Variants in MGMT observed in about 807,000 individuals in gnomAD.
The protein encoded by MGMT is methylated-DNA--protein-cysteine methyltransferase.
MGMT carries 14 observed loss-of-function variants against 15.9 expected under a neutral mutation model. The ratio of observed to expected loss-of-function variants is 0.88; its 90% CI spans 0.58 to 1.37. The LOEUF (loss-of-function observed/expected upper bound fraction) is 1.37. Among genes scored for constraint, MGMT ranks in the 40% most tolerant of loss-of-function variants. MGMT has a pLI of 0.00. For synonymous variants in MGMT, 130 were observed against 118.2 expected, an observed-to-expected ratio of 1.10 and a Z score of -0.65; for missense variants, 282 against 268.1, an observed-to-expected ratio of 1.05 and a Z score of -0.36.
chr10:129,636,538 C>T (rs1847267047), intron 2 of MGMT, among the ~76,000 whole-genome samples: 1 of 152,166 alleles, frequency 6.6e-6, no homozygotes, highest in East Asian at 1.9e-4. Context: ...TTTGTCTTGG[C>T]TCTCTGGCTA....
chr10:129,646,244 T>C (rs1483151016), intron 2 of MGMT, among the ~76,000 whole-genome samples: 1 of 151,988 alleles, frequency 6.6e-6, no homozygotes, highest in Non-Finnish European at 1.5e-5. Context: ...TGAAGACAGA[T>C]CGCCTGGGGA....
chr10:129,675,077 A>G (rs1285954435), intron 2 of MGMT, among the ~76,000 whole-genome samples: 1 of 152,176 alleles, frequency 6.6e-6, no homozygotes, highest in African/African-American at 2.4e-5. Context: ...GTGCCTGTGA[A>G]GAAGGACCCC....
chr10:129,477,334 C>T (rs1458941262), intron 1 of MGMT, among the ~76,000 whole-genome samples: 3 of 152,148 alleles, frequency 2.0e-5, no homozygotes, highest in African/African-American at 7.2e-5. Flanking sequence ...AGATTGGATG[C>T]TCTCCAAGGC....
chr10:129,663,059 G>T (rs9971190), intron 2 of MGMT, among the ~76,000 whole-genome samples: 2 of 152,074 alleles, frequency 1.3e-5, no homozygotes, highest in African/African-American at 2.4e-5. Flanking sequence ...TCACAGATAC[G>T]TATTGAAATG....
intron 2 of MGMT, among the ~76,000 whole-genome samples, chr10:129,579,023 C>T (rs780647791): frequency 5.9e-5 from 9 of 152,144 alleles, no homozygotes; most frequent in South Asian, 2.1e-4. Context: ...ACATTAGATA[C>T]GACTTCAGTT....
chr10:129,565,446 T>C (rs1846343638), intron 2 of MGMT, among the ~76,000 whole-genome samples: 1 of 152,242 alleles, frequency 6.6e-6, no homozygotes, highest in African/African-American at 2.4e-5. Flanking sequence ...TGTTGTAATA[T>C]ATCTTGTTGA....
intron 1 of MGMT, among the ~76,000 whole-genome samples, chr10:129,476,310 G>C (rs1845293520): frequency 6.6e-6 from 1 of 152,166 alleles, no homozygotes; most frequent in Non-Finnish European, 1.5e-5. Context: ...AAAGCCTTCA[G>C]GGTCATGGTT....
chr10:129,537,447 A>G (rs564080945), intron 2 of MGMT, among the ~76,000 whole-genome samples: 17 of 152,202 alleles, frequency 1.1e-4, no homozygotes, highest in Non-Finnish European at 2.5e-4. Flanking sequence ...TTCTATGAGA[A>G]CCATCTGGCT....
At chr10:129,723,403 TA>T (rs1848396213) in intron 3 of MGMT, among the ~76,000 whole-genome samples, 2 of 152,130 alleles carry the variant, frequency 1.3e-5, no homozygotes, top group Admixed American at 1.3e-4. Flanking sequence ...CCTCACACCA[TA>T]CACAAAAATT....
chr10:129,697,885 C>T (rs562137553), intron 2 of MGMT, among the ~76,000 whole-genome samples: 1 of 152,286 alleles, frequency 6.6e-6, no homozygotes, highest in African/African-American at 2.4e-5. Context: ...CTTCTCTGCC[C>T]CTAAATTCTT....
In MGMT at chr10:129,575,829, G is replaced by A. The variant is rs1198138369; in HGVS notation, c.125+39452G>A. ...GAAAAGAGAGAAGAATCAAATAGAC[G>A]CAATAAAAAATGACAAAGGGGATAT... On this transcript the variant is annotated intron_variant, in intron 2 of 4. Transcript: ENST00000651593. Among the ~76,000 whole-genome samples the A allele has an allele frequency of 5.7e-3, 854 of 149,410 alleles. 2 individuals are homozygous for A. The highest frequency in any genetic ancestry group is 9.3e-3 in the Non-Finnish European group (625 of 67,014).
intron 1 of MGMT, among the ~76,000 whole-genome samples, chr10:129,500,763 C>G (rs1328360959): frequency 6.6e-6 from 1 of 152,146 alleles, no homozygotes; most frequent in African/African-American, 2.4e-5. Context: ...GTTGCCCAGA[C>G]TGGTCTTAAA....
Position 129,532,525 on chromosome 10 carries a change from G to T in MGMT, c.-12-3716G>T, listed in dbSNP as rs1406437190. On this transcript the variant is annotated intron_variant, in intron 1 of 4. Coordinates refer to ENST00000651593, the MANE Select transcript of MGMT (RefSeq NM_002412.5). This position sits in a 1 kb window ranked among gnomAD's most constrained non-coding sequence, Gnocchi z 5.3. ...CACCGCCCTGCTCCTTCCTCCGGGT[G>T]GGGGACACCCCATCCCCCATGCCCC... Among the ~76,000 whole-genome samples, 2 of 152,090 alleles carry T rather than the reference G, an allele frequency of 1.3e-5. No individual in the cohort carries two copies. Among genetic ancestry groups the T allele is most frequent in the Non-Finnish European group, 2.9e-5 (2 of 68,018 alleles).
intron 2 of MGMT, among the ~76,000 whole-genome samples, chr10:129,644,992 A>C (rs888548374): frequency 6.6e-6 from 1 of 152,114 alleles, no homozygotes; most frequent in Non-Finnish European, 1.5e-5. Context: ...AATGAACCTG[A>C]AGTGAGTGAA....
At chr10:129,538,572 T>G (rs1380903662) in intron 2 of MGMT, among the ~76,000 whole-genome samples, 2 of 152,340 alleles carry the variant, frequency 1.3e-5, no homozygotes, top group Non-Finnish European at 2.9e-5. Flanking sequence ...TGACTTATCC[T>G]GATGAAGTCT....
At chr10:129,668,189 A>G (rs1021709413) in intron 2 of MGMT, among the ~76,000 whole-genome samples, 4 of 152,200 alleles carry the variant, frequency 2.6e-5, no homozygotes, top group Non-Finnish European at 5.9e-5. Flanking sequence ...TATGTTTTAT[A>G]GACCATAGGT....
intron 1 of MGMT, among the ~76,000 whole-genome samples, chr10:129,511,845 C>T (rs1237255068): frequency 5.9e-5 from 9 of 152,212 alleles, no homozygotes. Context: ...CTACCCACTC[C>T]TGCTGTATCG....
chr10:129,575,598 G>C (rs1480577558), intron 2 of MGMT, among the ~76,000 whole-genome samples: 2 of 148,332 alleles, frequency 1.3e-5, no homozygotes, highest in Non-Finnish European at 1.5e-5. Flanking sequence ...ATCTAAAATT[G>C]ACACCCTAAC....
At chr10:129,544,182 G>GT (rs1444173804) in intron 2 of MGMT, among the ~76,000 whole-genome samples, 5 of 152,130 alleles carry the variant, frequency 3.3e-5, no homozygotes, top group Non-Finnish European at 7.3e-5. Context: ...TCCTTTCCCT[G>GT]TTTTCATGAG....
Sources: allele counts gnomAD v4.1 joint callset (sites outside exome capture counted in the v4.1 genomes callset), GRCh38; gene constraint gnomAD v4.1.1; non-coding constraint Gnocchi (gnomAD v3.1); transcripts MANE v1.5; gene names NCBI Gene and HGNC (gene_info 2026-07-23, HGNC 2026-07-21).